PIEZO2: variants seen among roughly 807,000 people sequenced by gnomAD.
PIEZO2 encodes the protein piezo type mechanosensitive ion channel component 2.
PIEZO2 carries 172 observed loss-of-function variants against 337.3 expected under a neutral mutation model. That is an observed-to-expected ratio of 0.51 (90% CI 0.45 to 0.58). The LOEUF is 0.58. PIEZO2 is among the 20% of genes least tolerant of loss of function. The pLI is 0.00. For missense variants in PIEZO2, 3,028 were observed against 3,391.3 expected (o/e 0.89, Z 2.66); for synonymous variants, 1,251 against 1,228.5 (o/e 1.02, Z -0.38).
chr18:10,901,519 C>G (rs2043049099), intron 4 of PIEZO2, among the ~76,000 whole-genome samples: 1 of 151,848 alleles, frequency 6.6e-6, no homozygotes, highest in African/African-American at 2.4e-5. Context: ...CCACTGTGAC[C>G]TAAAGCAAGA....
intron 9 of PIEZO2, 104 bp from the exon 10 acceptor site, chr18:10,801,532 C>G (rs2039814870): frequency 2.0e-6 from 2 of 1,003,788 alleles, no homozygotes. Flanking sequence ...TTCTCTTTAA[C>G]TTGCTGATTG....
chr18:10,962,596 C>T lies in PIEZO2; in HGVS notation c.286+16939G>A, dbSNP rs2033828331. Reference sequence around the variant, plus strand: ...GTTGCTCTAGACCAGGCATTTTTGCCTCATTCAGCTGTGCTACATTGCCCC... The same window carrying T: ...GTTGCTCTAGACCAGGCATTTTTGCTTCATTCAGCTGTGCTACATTGCCCC... On this transcript the variant is annotated intron_variant, in intron 3 of 55. Transcript: ENST00000674853. This position sits in a 1 kb window ranked among gnomAD's most constrained non-coding sequence, Gnocchi z 4.1. 6.6e-6 allele frequency among the ~76,000 whole-genome samples: 1 copy of T among 152,174 alleles called. No individual in the cohort carries two copies. Among genetic ancestry groups the T allele is most frequent in the Admixed American group, 6.5e-5 (1 of 15,286 alleles).
chr18:10,681,686 A>G lies in PIEZO2; in HGVS notation c.7754T>C (p.Phe2585Ser). ...GGTGTCCCTAGAAAAAGCTTGTATA[A>G]ATTTGTTAAAGCTCTGCTGGTCCAT... ...KVMDQQSFNK[F>S]IQAFSRDTGA... Residue 2585 changes from phenylalanine to serine, a missense_variant, in exon 51 of 56, where the codon TTT becomes TCT. This residue lies in a region of PIEZO2 where 332 missense variants were observed against 363.8 expected (regional missense o/e 0.91). Coordinates refer to ENST00000674853, the MANE Select transcript of PIEZO2 (RefSeq NM_001378183.1). The G allele has an allele frequency of 6.2e-7, 1 of 1,607,194 alleles. No homozygotes were observed. The highest frequency in any genetic ancestry group is 8.5e-7 in the Non-Finnish European group (1 of 1,173,838).
chr18:11,022,542 T>G (rs973008727), intron 2 of PIEZO2, among the ~76,000 whole-genome samples: 5 of 152,170 alleles, frequency 3.3e-5, no homozygotes, highest in African/African-American at 1.2e-4. Flanking sequence ...TGGGCTCTCC[T>G]CTGGGTGCAC....
At chr18:10,729,460 A>G (rs967309517) in intron 36 of PIEZO2, among the ~76,000 whole-genome samples, 4 of 152,058 alleles carry the variant, frequency 2.6e-5, no homozygotes, top group Non-Finnish European at 4.4e-5. Context: ...CTCCGTCTCT[A>G]CTAAAAATAC....
In PIEZO2 at chr18:11,126,536, A is replaced by G. The variant is rs1424592115; in HGVS notation, c.64+21989T>C. On this transcript the variant is annotated intron_variant, in intron 1 of 55. Coordinates refer to ENST00000674853, the MANE Select transcript of PIEZO2 (RefSeq NM_001378183.1). The surrounding 1 kb of genome is among the most constrained non-coding windows in gnomAD (Gnocchi z 4.6). ...CTCCAAGGCCCACGTGATCTGATGA[A>G]TACCATCAGCAATTTTTTTACTCTG... is the stretch of plus-strand genomic sequence containing the variant. Among the ~76,000 whole-genome samples the G allele has an allele frequency of 2.0e-5, 3 of 152,136 alleles. No homozygotes were observed. Among genetic ancestry groups the G allele is most frequent in the African/African-American group, 7.2e-5 (3 of 41,418 alleles).
chr18:10,741,689 A>G (rs1482732634), intron 32 of PIEZO2, among the ~76,000 whole-genome samples: 1 of 152,214 alleles, frequency 6.6e-6, no homozygotes, highest in African/African-American at 2.4e-5. Context: ...AGATATAATC[A>G]ATATATATTT....
intron 2 of PIEZO2, among the ~76,000 whole-genome samples, chr18:11,014,748 G>A (rs1326141148): frequency 4.2e-5 from 6 of 144,526 alleles, no homozygotes; most frequent in Admixed American, 6.9e-5. Context: ...ACCCTGTGTG[G>A]GACAGCAATC....
chr18:10,848,532 G>A (rs1188351863), intron 7 of PIEZO2, among the ~76,000 whole-genome samples: 1 of 152,222 alleles, frequency 6.6e-6, no homozygotes, highest in African/African-American at 2.4e-5. Context: ...ATTTATTTAA[G>A]AGAGAATGCT....
At position 11,126,575 on chromosome 18, in the gene PIEZO2, A is replaced by G. The variant is rs2040189786; in HGVS notation, c.64+21950T>C. On this transcript the variant is annotated intron_variant, in intron 1 of 55. Coordinates refer to ENST00000674853, the MANE Select transcript of PIEZO2 (RefSeq NM_001378183.1). This position sits in a 1 kb window ranked among gnomAD's most constrained non-coding sequence, Gnocchi z 4.6. ...TTTTTTACTCTGAGAACTACAGAGA[A>G]GCTGAACTATCTATGGTTTAAAGAG... Among the ~76,000 whole-genome samples, 1 of 152,106 alleles carries G rather than the reference A, an allele frequency of 6.6e-6. No individual in the cohort carries two copies. The highest frequency in any genetic ancestry group is 6.5e-5 in the Admixed American group (1 of 15,270).
intron 4 of PIEZO2, among the ~76,000 whole-genome samples, chr18:10,885,689 A>G (rs2042559330): frequency 6.6e-6 from 1 of 152,180 alleles, no homozygotes; most frequent in South Asian, 2.1e-4. Context: ...GTATTGGGGA[A>G]CATTTATAAG....
chr18:10,866,715 A>G (rs2042017621), intron 5 of PIEZO2, among the ~76,000 whole-genome samples: 2 of 152,060 alleles, frequency 1.3e-5, no homozygotes. Flanking sequence ...TGGCTGGAAG[A>G]CTCTGGGGGA....
At position 11,127,392 on chromosome 18, in the gene PIEZO2, C is replaced by CA. The variant is rs1367526028; in HGVS notation, c.64+21132dup. Among the ~76,000 whole-genome samples the CA allele has an allele frequency of 2.0e-5, 3 of 152,072 alleles. No homozygotes were observed. Among genetic ancestry groups the CA allele is most frequent in the African/African-American group, 7.2e-5 (3 of 41,394 alleles). On this transcript the variant is annotated intron_variant, in intron 1 of 55. Coordinates refer to ENST00000674853, the MANE Select transcript of PIEZO2 (RefSeq NM_001378183.1). This position sits in a 1 kb window ranked among gnomAD's most constrained non-coding sequence, Gnocchi z 4.5. ...CTGGGTGTGTCTGGGAGGGTGTTGC[C>CA]AAAAGAGATTACCATTTGAGACAGT...
intron 21 of PIEZO2, among the ~76,000 whole-genome samples, chr18:10,768,991 C>T (rs569202302): frequency 3.3e-5 from 5 of 152,320 alleles, no homozygotes; most frequent in South Asian, 2.1e-4. Flanking sequence ...CACCCTGCCA[C>T]GCAGCTTCTC....
intron 7 of PIEZO2, among the ~76,000 whole-genome samples, chr18:10,810,845 A>T (rs2040165265): frequency 6.6e-6 from 1 of 152,160 alleles, no homozygotes; most frequent in South Asian, 2.1e-4. Context: ...TCTTAGGATA[A>T]CACCAGCCCC....
rs1225295579 is a variant in PIEZO2, at chr18:11,033,656, C to CAT, written c.160+32469_160+32470dup. 1.3e-5 allele frequency among the ~76,000 whole-genome samples: 2 copies of CAT among 151,972 alleles called. No homozygotes were observed. The highest frequency in any genetic ancestry group is 2.9e-5 in the Non-Finnish European group (2 of 68,012). On this transcript the variant is annotated intron_variant, in intron 2 of 55. Transcript: ENST00000674853. The surrounding 1 kb of genome is among the most constrained non-coding windows in gnomAD (Gnocchi z 4.2). ...AACATAAACCATATAACGAGTCAGA[C>CAT]ATATATAGCACATGCCAGAAATGAA...
rs1598588875 is a variant in PIEZO2, at chr18:10,855,819, C to T, written c.704-253G>A. ...ATGATTAAAAAAATTCCACCTGTGG[C>T]GTCTGAACTAAGTAAATGTCTACTT... On this transcript the variant is annotated intron_variant, in intron 6 of 55. Transcript: ENST00000674853. The surrounding 1 kb of genome is among the most constrained non-coding windows in gnomAD (Gnocchi z 4.9). Among the ~76,000 whole-genome samples the T allele has an allele frequency of 6.6e-6, 1 of 152,090 alleles. No homozygotes were observed. The highest frequency in any genetic ancestry group is 6.5e-5 in the Admixed American group (1 of 15,276).
chr18:10,936,838 C>T (rs11664237), intron 3 of PIEZO2, among the ~76,000 whole-genome samples: 34,658 of 152,130 alleles, frequency 0.23, 4,191 homozygotes, highest in Middle Eastern at 0.3. Flanking sequence ...AACAAGTGCT[C>T]CTTCCAGTGT....
Position 10,995,054 on chromosome 18 carries a change from G to T in PIEZO2, c.161-15394C>A, listed in dbSNP as rs370619508. On this transcript the variant is annotated intron_variant, in intron 2 of 55. Coordinates refer to ENST00000674853, the MANE Select transcript of PIEZO2 (RefSeq NM_001378183.1). Reference sequence around the variant, plus strand: ...GATCGTGCCACTGCACTCCAGCCTGGGCAACAGAGTGAGACTCCGTCTCAA... The same window carrying T: ...GATCGTGCCACTGCACTCCAGCCTGTGCAACAGAGTGAGACTCCGTCTCAA... Among the ~76,000 whole-genome samples, 11 of 126,340 alleles carry T rather than the reference G, an allele frequency of 8.7e-5. No homozygotes were observed. The South Asian group carries it at 1.8e-3, about 20-fold the overall frequency. 82.9% of individuals were successfully genotyped at this position (126,340 alleles called of 152,430 possible). A position where few individuals can be genotyped will look rare whatever the true frequency, so the allele number is the denominator to read the frequency against.
Sources: gnomAD v4.1 joint callset for allele counts (sites outside exome capture counted in the v4.1 genomes callset) on GRCh38, gnomAD v4.1.1 for gene constraint, gnomAD v4.1.1 regional missense constraint, Gnocchi (gnomAD v3.1) non-coding constraint, MANE v1.5 for transcripts, NCBI Gene and HGNC (gene_info 2026-07-23, HGNC 2026-07-21) for gene names.